Variants in EHBP1 observed in about 807,000 individuals in gnomAD.
EHBP1 encodes the protein EH domain binding protein 1.
A neutral mutation model predicts 144.0 loss-of-function variants in EHBP1; 55 were observed. That is an observed-to-expected ratio of 0.38 (90% CI 0.31 to 0.48). The LOEUF (loss-of-function observed/expected upper bound fraction) is 0.48. EHBP1 is among the 20% of genes least tolerant of loss of function. EHBP1 has a pLI of 0.98. For synonymous variants in EHBP1, 469 were observed against 472.7 expected (o/e 0.99, Z 0.10); for missense variants, 1,200 against 1,364.2 (o/e 0.88, Z 1.90).
chr2:62,873,778 G>A (rs1311810675), intron 9 of EHBP1, among the ~76,000 whole-genome samples: 1 of 152,096 alleles, frequency 6.6e-6, no homozygotes, highest in East Asian at 1.9e-4. Flanking sequence ...TTCAAACCCT[G>A]AAACAGAATA....
intron 1 of EHBP1, among the ~76,000 whole-genome samples, chr2:62,680,455 T>C (rs1467014366): frequency 6.6e-6 from 1 of 152,206 alleles, no homozygotes; most frequent in African/African-American, 2.4e-5. Context: ...TCTTGCCCTT[T>C]CTTGCAATGT....
chr2:62,871,295 C>T (rs1398936401), intron 9 of EHBP1, among the ~76,000 whole-genome samples: 1 of 152,182 alleles, frequency 6.6e-6, no homozygotes, highest in Non-Finnish European at 1.5e-5. Flanking sequence ...TTAATAAAAA[C>T]TAAAATCAGA....
chr2:62,954,190 G>A (rs967404132), intron 13 of EHBP1, among the ~76,000 whole-genome samples: 1 of 152,196 alleles, frequency 6.6e-6, no homozygotes, highest in South Asian at 2.1e-4. Flanking sequence ...TCCACATCAT[G>A]TAATGGAATG....
chr2:62,734,942 C>T (rs2037976486), intron 2 of EHBP1, among the ~76,000 whole-genome samples: 1 of 152,116 alleles, frequency 6.6e-6, no homozygotes, highest in Admixed American at 6.5e-5. Flanking sequence ...ACTCTGTCAC[C>T]CAGGCTGGAG....
chr2:62,807,322 C>T (rs1210560679), intron 5 of EHBP1, among the ~76,000 whole-genome samples: 7 of 152,124 alleles, frequency 4.6e-5, no homozygotes, highest in African/African-American at 9.7e-5. Flanking sequence ...CTGAGGCAGG[C>T]GGATCACCTG....
intron 1 of EHBP1, among the ~76,000 whole-genome samples, chr2:62,696,508 C>CTTTTTTT (rs869081763): frequency 2.1e-4 from 16 of 76,750 alleles, no homozygotes; most frequent in Non-Finnish European, 2.7e-4. Flanking sequence ...TTTTTTTCTT[C>CTTTTTTT]TTTTTTTTTT....
chr2:62,879,822 C>T (rs1266566579), intron 10 of EHBP1, among the ~76,000 whole-genome samples: 1 of 151,864 alleles, frequency 6.6e-6, no homozygotes, highest in Non-Finnish European at 1.5e-5. Flanking sequence ...ATCAAAATTA[C>T]CAATGAATTT....
At chr2:62,829,163 A>T (rs573209951) in intron 6 of EHBP1, among the ~76,000 whole-genome samples, 80 of 152,194 alleles carry the variant, frequency 5.3e-4, no homozygotes, top group African/African-American at 1.8e-3. Context: ...TCTTCCATAT[A>T]TATCTACAGC....
chr2:62,877,365 A>G (rs1380347688), intron 10 of EHBP1, among the ~76,000 whole-genome samples: 4 of 152,214 alleles, frequency 2.6e-5, no homozygotes, highest in Non-Finnish European at 5.9e-5. Context: ...ACAAGTTCTT[A>G]GGGACCTACA....
intron 2 of EHBP1, among the ~76,000 whole-genome samples, chr2:62,735,269 A>AT (rs368796577): frequency 0.023 from 3,320 of 142,168 alleles, 99 homozygotes; most frequent in African/African-American, 0.072. Flanking sequence ...TTATACTTCC[A>AT]TTTTTTTTTT....
At position 62,731,261 on chromosome 2, in the gene EHBP1, C is replaced by T. The variant is rs371658996; in HGVS notation, c.105-16134C>T. ...AAGGAATTGACTTTTATATATTAAC[C>T]TTGTATCCTGCAATCTTGCTATGAT... On this transcript the variant is annotated intron_variant, in intron 2 of 22. Transcript: ENST00000431489. Among the ~76,000 whole-genome samples, 25 of 152,002 alleles carry T rather than the reference C, an allele frequency of 1.6e-4. No homozygotes were observed. In the South Asian group the frequency reaches 2.3e-3, roughly 14 times the overall value.
chr2:62,857,141 C>G (rs1233318544), intron 7 of EHBP1, among the ~76,000 whole-genome samples: 1 of 152,118 alleles, frequency 6.6e-6, no homozygotes, highest in Non-Finnish European at 1.5e-5. Context: ...CTAATTTTAG[C>G]CCAGCAAGTC....
At chr2:63,009,554 C>G (rs2060185648) in intron 19 of EHBP1, among the ~76,000 whole-genome samples, 2 of 151,468 alleles carry the variant, frequency 1.3e-5, no homozygotes, top group African/African-American at 2.4e-5. Flanking sequence ...GGGAAAACTG[C>G]TAAGAAACAG....
chr2:62,785,591 C>T (rs1485431557), intron 5 of EHBP1, among the ~76,000 whole-genome samples: 5 of 151,998 alleles, frequency 3.3e-5, no homozygotes, highest in Middle Eastern at 6.8e-3. Flanking sequence ...TGGGTTGTGG[C>T]GGGGGAAAGA....
Position 63,045,127 on chromosome 2 carries a change from C to T in EHBP1, c.3339C>T (p.Ala1113=), listed in dbSNP as rs752290565. ...REQLLLDELV[A]LVNKRDALVR... is the part of the protein sequence containing the mutation. ...AGCTTCTGCTAGATGAGCTGGTGGC[C>T]CTGGTGAACAAGCGCGATGCGCTCG... Residue 1113 remains alanine, a synonymous_variant, in exon 22 of 23, where the codon GCC becomes GCT. Transcript: ENST00000431489. The surrounding 1 kb of genome is among the most constrained non-coding windows in gnomAD (Gnocchi z 5.7). 2.1e-5 allele frequency: 33 copies of T among 1,597,384 alleles called. No individual in the cohort carries two copies. Among genetic ancestry groups the T allele is most frequent in the Non-Finnish European group, 2.8e-5 (33 of 1,171,764 alleles).
intron 12 of EHBP1, among the ~76,000 whole-genome samples, chr2:62,947,011 G>C (rs972363613): frequency 1.3e-5 from 2 of 152,110 alleles, no homozygotes; most frequent in African/African-American, 4.8e-5. Context: ...TTAGAATACT[G>C]CCTGTGGTGC....
chr2:62,987,875 A>G (rs2059262173), intron 15 of EHBP1: 1 of 969,814 alleles, frequency 1.0e-6, no homozygotes, highest in Non-Finnish European at 1.5e-6. Context: ...AGTGTTTTGG[A>G]TGAATGATAT....
chr2:62,745,605 G>T (rs977252799), intron 2 of EHBP1, among the ~76,000 whole-genome samples: 1 of 151,982 alleles, frequency 6.6e-6, no homozygotes. Context: ...GATATTTGCA[G>T]GTTATACAGC....
At chr2:62,901,485 G>A (rs115946083) in intron 10 of EHBP1, among the ~76,000 whole-genome samples, 3,461 of 152,022 alleles carry the variant, frequency 0.023, 51 homozygotes, top group Middle Eastern at 0.051. Flanking sequence ...AGTTGAATAC[G>A]ATAATTTAGC....
Sources: gnomAD v4.1 joint callset for allele counts (sites outside exome capture counted in the v4.1 genomes callset) on GRCh38, gnomAD v4.1.1 for gene constraint, Gnocchi (gnomAD v3.1) non-coding constraint, MANE v1.5 for transcripts, NCBI Gene and HGNC (gene_info 2026-07-23, HGNC 2026-07-21) for gene names.